ANK2: variants seen among roughly 807,000 people sequenced by gnomAD.
The protein encoded by ANK2 is ankyrin-2.
In ANK2, 83 loss-of-function variants were observed where a neutral mutation model predicts 360.5. The observed-to-expected ratio is 0.23, with a 90% confidence interval of 0.19 to 0.28. The LOEUF (loss-of-function observed/expected upper bound fraction) is 0.28. Ranked by LOEUF, ANK2 falls within the 10% of genes least tolerant of loss-of-function variation. The pLI is 1.00. For missense variants in ANK2, 4,201 were observed against 4,795.7 expected (o/e 0.88, Z 3.66); for synonymous variants, 1,740 against 1,759.5 (o/e 0.99, Z 0.28).
At chr4:113,068,927 G>C (rs927747372) in intron 1 of ANK2, among the ~76,000 whole-genome samples, 1 of 152,136 alleles carries the variant, frequency 6.6e-6, no homozygotes, top group Admixed American at 6.5e-5. Flanking sequence ...GCTAGGCGTG[G>C]TGGTGCATGC....
intron 1 of ANK2, among the ~76,000 whole-genome samples, chr4:112,831,869 C>T (rs1049845981): frequency 6.6e-6 from 1 of 152,136 alleles, no homozygotes. Flanking sequence ...TGAACTGTAA[C>T]ACTCATTGTG....
chr4:113,341,390 A>G (rs1244877813), intron 32 of ANK2, among the ~76,000 whole-genome samples: 1 of 152,254 alleles, frequency 6.6e-6, no homozygotes, highest in Non-Finnish European at 1.5e-5. Flanking sequence ...AAAACTGAAT[A>G]TTCAGAAGAG....
chr4:113,039,543 T>C (rs1340670622), intron 2 of ANK2, among the ~76,000 whole-genome samples: 1 of 150,980 alleles, frequency 6.6e-6, no homozygotes. Flanking sequence ...ATTTTTTTTT[T>C]CTCACTCTCA....
intron 24 of ANK2, 29 bp from the exon 25 acceptor site, chr4:113,317,657 ACCCTGCTACTGCTGTTGGTAT>A: frequency 6.9e-7 from 1 of 1,442,206 alleles, no homozygotes; most frequent in Non-Finnish European, 9.8e-7. Flanking sequence ...TGTCATCCCA[ACCCTGCTACTGCTGTTGGTAT>A]ATGCCATGGC....
At chr4:113,100,096 G>A (rs313951) in intron 1 of ANK2, among the ~76,000 whole-genome samples, 124,564 of 152,048 alleles carry the variant, frequency 0.82, 51,602 homozygotes, top group African/African-American at 0.95. Flanking sequence ...CCAAAAGGAT[G>A]ATTCAGGAAA....
the ANK2 span, among the ~76,000 whole-genome samples, chr4:112,808,983 G>A: frequency 0.013 from 1,905 of 151,714 alleles, 48 homozygotes; most frequent in African/African-American, 0.044. Flanking sequence ...ATCAGCCTCC[G>A]GAGTAGCTGG....
At chr4:113,317,886 G>A in intron 25 of ANK2, 77 bp downstream of exon 25, 1 of 1,264,282 alleles carries the variant, frequency 7.9e-7, no homozygotes, top group Non-Finnish European at 1.1e-6. Context: ...AATGTCCTGA[G>A]AAAGTTTTTA....
chr4:112,766,189 G>A, the ANK2 span, among the ~76,000 whole-genome samples: 22 of 151,952 alleles, frequency 1.4e-4, no homozygotes, highest in African/African-American at 1.7e-4. Context: ...AAAATTAGCC[G>A]GGCGTGGTGG....
intron 11 of ANK2, among the ~76,000 whole-genome samples, chr4:113,257,614 A>T (rs1323401231): frequency 6.6e-6 from 1 of 152,198 alleles, no homozygotes; most frequent in Non-Finnish European, 1.5e-5. Context: ...ATATTCTTAG[A>T]TTTTTTAAGT....
At chr4:113,270,277 G>A (rs1381988207) in intron 14 of ANK2, among the ~76,000 whole-genome samples, 1 of 152,010 alleles carries the variant, frequency 6.6e-6, no homozygotes, top group Non-Finnish European at 1.5e-5. Flanking sequence ...TACTTTTAAT[G>A]GAAATTTATT....
chr4:113,176,375 A>C (rs1280440066), intron 2 of ANK2, among the ~76,000 whole-genome samples: 1 of 152,176 alleles, frequency 6.6e-6, no homozygotes, highest in East Asian at 1.9e-4. Context: ...CTATGGAATA[A>C]ACCCAAATTA....
At chr4:112,742,394 CTATGTGTGTGTGTG>C in the ANK2 span, among the ~76,000 whole-genome samples, 1 of 117,668 alleles carries the variant, frequency 8.5e-6, no homozygotes, top group Non-Finnish European at 1.7e-5. Context: ...TCACTGAATT[CTATGTGTGTGTGTG>C]TGTGTGTGTG....
intron 1 of ANK2, among the ~76,000 whole-genome samples, chr4:113,163,121 A>C (rs1042312661): frequency 6.6e-6 from 1 of 152,160 alleles, no homozygotes; most frequent in Non-Finnish European, 1.5e-5. Context: ...CATATTCTTT[A>C]GTCTCTTAAA....
the ANK2 span, among the ~76,000 whole-genome samples, chr4:112,763,828 C>A: frequency 3.9e-5 from 6 of 152,050 alleles, no homozygotes; most frequent in Non-Finnish European, 8.8e-5. Context: ...CCATATGTAG[C>A]ATTTTCATTG....
intron 1 of ANK2, among the ~76,000 whole-genome samples, chr4:112,854,286 C>G (rs2065780802): frequency 6.6e-6 from 1 of 152,174 alleles, no homozygotes; most frequent in African/African-American, 2.4e-5. Flanking sequence ...CAGGATGGAT[C>G]TTTCGGAGGA....
chr4:112,811,404 G>A, the ANK2 span, among the ~76,000 whole-genome samples: 1 of 152,088 alleles, frequency 6.6e-6, no homozygotes, highest in South Asian at 2.1e-4. Flanking sequence ...TGTCAAGTGT[G>A]TTTCATGGGT....
chr4:113,043,130 T>C (rs1306405736), intron 2 of ANK2, among the ~76,000 whole-genome samples: 2 of 152,004 alleles, frequency 1.3e-5, no homozygotes, highest in Non-Finnish European at 2.9e-5. Context: ...AAGACATAGG[T>C]GAGAGGAACA....
intron 2 of ANK2, among the ~76,000 whole-genome samples, chr4:113,183,969 G>C (rs1035862443): frequency 1.8e-4 from 27 of 151,154 alleles, no homozygotes; most frequent in Admixed American, 1.8e-3. Context: ...GTTTAAAAGA[G>C]TGGTGAGAAG....
intron 2 of ANK2, among the ~76,000 whole-genome samples, chr4:112,994,596 A>G (rs980070161): frequency 7.9e-5 from 12 of 152,106 alleles, no homozygotes; most frequent in African/African-American, 2.9e-4. Flanking sequence ...GGGCTTTTGG[A>G]TTTTTAAAAA....
Sources: allele counts gnomAD v4.1 joint callset (sites outside exome capture counted in the v4.1 genomes callset), GRCh38; gene constraint gnomAD v4.1.1; transcripts MANE v1.5; gene names NCBI Gene and HGNC (gene_info 2026-07-23, HGNC 2026-07-21).